CNTN5: variants seen among roughly 807,000 people sequenced by gnomAD.
CNTN5 encodes the protein contactin 5.
Under a neutral mutation model 129.1 loss-of-function variants are expected in CNTN5, and 77 were observed. The ratio of observed to expected loss-of-function variants is 0.60; its 90% confidence interval spans 0.50 to 0.72. The LOEUF (loss-of-function observed/expected upper bound fraction) is 0.72. CNTN5 is among the 30% of genes least tolerant of loss of function. CNTN5 has a pLI of 0.00. For missense variants in CNTN5, 1,478 were observed against 1,328.8 expected, an observed-to-expected ratio of 1.11 and a Z score of -1.75; for synonymous variants, 509 against 465.6, an observed-to-expected ratio of 1.09 and a Z score of -1.20.
intron 18 of CNTN5, among the ~76,000 whole-genome samples, chr11:100,277,092 G>T (rs1950530214): frequency 6.6e-6 from 1 of 151,988 alleles, no homozygotes; most frequent in African/African-American, 2.4e-5. Context: ...TTCTGTGCCT[G>T]GCTTATTTCA....
At chr11:99,955,134 TA>T (rs974000689) in intron 7 of CNTN5, among the ~76,000 whole-genome samples, 4 of 150,978 alleles carry the variant, frequency 2.6e-5, no homozygotes, top group Non-Finnish European at 5.9e-5. Context: ...AGTAAAATAA[TA>T]AAAAAATTTG....
intron 2 of CNTN5, among the ~76,000 whole-genome samples, chr11:99,387,283 T>C (rs915162966): frequency 2.0e-5 from 3 of 152,304 alleles, no homozygotes; most frequent in Admixed American, 6.5e-5. Flanking sequence ...AAGACCAATA[T>C]GTTGCCACAT....
intron 1 of CNTN5, among the ~76,000 whole-genome samples, chr11:99,177,747 A>G (rs1857849328): frequency 6.6e-6 from 1 of 152,204 alleles, no homozygotes; most frequent in Admixed American, 6.5e-5. Flanking sequence ...ACAGTGGCCA[A>G]GTTGTCACAG....
rs374987101 is a variant in CNTN5, at chr11:99,047,121, A to T, written c.-210+25851A>T. On this transcript the variant is annotated intron_variant, in intron 1 of 24. Coordinates refer to ENST00000524871, the MANE Select transcript of CNTN5 (RefSeq NM_014361.4). The stretch of plus-strand genomic sequence containing the variant: ...GAATTTTGTCATTTTAAACATGGCA[A>T]TGATTATCCATTTTTAAGTGATTAA... Among the ~76,000 whole-genome samples, 12 of 152,166 alleles carry T rather than the reference A, an allele frequency of 7.9e-5. No homozygotes were observed. In the East Asian group the frequency reaches 1.4e-3, roughly 17 times the overall value.
At chr11:99,897,174 C>G (rs937418050) in intron 6 of CNTN5, among the ~76,000 whole-genome samples, 28 of 151,948 alleles carry the variant, frequency 1.8e-4, no homozygotes, top group Non-Finnish European at 4.4e-5. Context: ...GTAACTAAAC[C>G]TACAAGTTAT....
At chr11:99,468,722 T>C (rs35190868) in intron 2 of CNTN5, among the ~76,000 whole-genome samples, 1 of 151,420 alleles carries the variant, frequency 6.6e-6, no homozygotes, top group African/African-American at 2.4e-5. Flanking sequence ...TTGATGTTTA[T>C]TGTTAGAAAC....
At chr11:99,064,199 T>A (rs1455775605) in intron 1 of CNTN5, among the ~76,000 whole-genome samples, 3 of 152,116 alleles carry the variant, frequency 2.0e-5, no homozygotes, top group Non-Finnish European at 2.9e-5. Context: ...CACAACCAAG[T>A]TACATCATTT....
At chr11:99,901,598 A>G (rs1565656706) in intron 6 of CNTN5, among the ~76,000 whole-genome samples, 1 of 152,146 alleles carries the variant, frequency 6.6e-6, no homozygotes, top group Non-Finnish European at 1.5e-5. Context: ...TGACCTGGTC[A>G]TACATTTTCT....
intron 13 of CNTN5, among the ~76,000 whole-genome samples, chr11:100,131,588 G>A (rs377185185): frequency 3.6e-4 from 54 of 151,996 alleles, no homozygotes; most frequent in African/African-American, 1.3e-3. Flanking sequence ...GAAAGAGATT[G>A]CCAACAGAGA....
At chr11:99,560,529 G>T (rs182539781) in intron 3 of CNTN5, among the ~76,000 whole-genome samples, 160 of 152,142 alleles carry the variant, frequency 1.1e-3, no homozygotes, top group Middle Eastern at 3.4e-3. Flanking sequence ...AACCTCAGGT[G>T]ATCCGCCTGC....
chr11:99,244,594 C>A (rs565663865), intron 1 of CNTN5, among the ~76,000 whole-genome samples: 1 of 152,264 alleles, frequency 6.6e-6, no homozygotes, highest in South Asian at 2.1e-4. Flanking sequence ...GAGTTATACT[C>A]AGTGAACTAC....
chr11:99,368,601 A>C (rs1939611336), intron 2 of CNTN5, among the ~76,000 whole-genome samples: 1 of 152,200 alleles, frequency 6.6e-6, no homozygotes, highest in African/African-American at 2.4e-5. Flanking sequence ...ATCAGTGTTT[A>C]TAACATATTG....
chr11:99,056,396 A>C (rs1422482038), intron 1 of CNTN5, among the ~76,000 whole-genome samples: 1 of 151,942 alleles, frequency 6.6e-6, no homozygotes, highest in Non-Finnish European at 1.5e-5. Context: ...TGCTCCAAAA[A>C]ACTAAGGGTG....
At chr11:99,783,691 A>G (rs560599097) in intron 3 of CNTN5, among the ~76,000 whole-genome samples, 6 of 142,458 alleles carry the variant, frequency 4.2e-5, no homozygotes, top group African/African-American at 7.9e-5. Context: ...GAAATTGGAA[A>G]TCATCATTCT....
chr11:100,118,074 T>G (rs1337927045), intron 13 of CNTN5, among the ~76,000 whole-genome samples: 1 of 151,452 alleles, frequency 6.6e-6, no homozygotes, highest in Non-Finnish European at 1.5e-5. Flanking sequence ...TAACACATAA[T>G]GTACAGAGAT....
chr11:100,352,197 G>A lies in CNTN5; in HGVS notation c.3199+1327G>A, dbSNP rs555524208. ...CCTCCACCCTCTGATAGGCCCTAGC[G>A]TGTACTGGTCCCCTCTATATGTCCA... On this transcript the variant is annotated intron_variant, in intron 24 of 24. Transcript: ENST00000524871. Among the ~76,000 whole-genome samples the A allele has an allele frequency of 1.6e-3, 237 of 151,512 alleles. 2 individuals are homozygous for A. Among genetic ancestry groups the A allele is most frequent in the African/African-American group, 5.2e-3 (216 of 41,398 alleles).
intron 6 of CNTN5, among the ~76,000 whole-genome samples, chr11:99,876,892 C>G (rs1384974048): frequency 1.3e-5 from 2 of 152,126 alleles, no homozygotes; most frequent in Non-Finnish European, 2.9e-5. Flanking sequence ...TCTTGCATCA[C>G]CAATTGTGTA....
At chr11:100,154,059 C>A (rs1221377253) in intron 13 of CNTN5, among the ~76,000 whole-genome samples, 1 of 151,808 alleles carries the variant, frequency 6.6e-6, no homozygotes, top group Non-Finnish European at 1.5e-5. Flanking sequence ...GCAGAATGTG[C>A]AGGTTTGTTA....
chr11:99,514,892 A>G (rs1004847222), intron 2 of CNTN5, among the ~76,000 whole-genome samples: 2 of 151,998 alleles, frequency 1.3e-5, no homozygotes, highest in Non-Finnish European at 2.9e-5. Context: ...AACTTTTGAT[A>G]TTTCCTTTAA....
Sources: allele counts gnomAD v4.1 joint callset (sites outside exome capture counted in the v4.1 genomes callset), GRCh38; gene constraint gnomAD v4.1.1; transcripts MANE v1.5; gene names NCBI Gene and HGNC (gene_info 2026-07-23, HGNC 2026-07-21).